The following CTNND2 variants were observed in gnomAD, a reference collection of about 807,000 sequenced individuals.
The protein encoded by CTNND2 is catenin delta-2.
A neutral mutation model predicts 144.4 loss-of-function variants in CTNND2; 22 were observed. That is an observed-to-expected ratio of 0.15 (90% CI 0.11 to 0.22). CTNND2 has a LOEUF of 0.22. Ranked by LOEUF, CTNND2 falls within the 10% of genes least tolerant of loss-of-function variation. The probability of loss-of-function intolerance (pLI) is 1.00; values close to 1 mark genes in which losing one functional copy is unlikely to be tolerated. For synonymous variants in CTNND2, 751 were observed against 695.6 expected (o/e 1.08, Z -1.25); for missense variants, 1,353 against 1,618.8 (o/e 0.84, Z 2.82).
intron 12 of CTNND2, among the ~76,000 whole-genome samples, chr5:11,151,530 T>C (rs1757757530): frequency 6.6e-6 from 1 of 152,232 alleles, no homozygotes; most frequent in South Asian, 2.1e-4. Flanking sequence ...TTCATATTAA[T>C]GGAAAAATCC....
chr5:11,849,387 G>GA (rs930068707), intron 1 of CTNND2, among the ~76,000 whole-genome samples: 4 of 151,994 alleles, frequency 2.6e-5, no homozygotes, highest in South Asian at 2.1e-4. Flanking sequence ...GACAGAAAGA[G>GA]AAAAAAATGA....
chr5:11,899,220 T>G (rs1737662190), intron 1 of CTNND2, among the ~76,000 whole-genome samples: 1 of 152,220 alleles, frequency 6.6e-6, no homozygotes, highest in South Asian at 2.1e-4. Context: ...TGCTCGGTGG[T>G]TCTAAACAGA....
intron 2 of CTNND2, among the ~76,000 whole-genome samples, chr5:11,589,280 A>AG (rs1554090546): frequency 1.2e-5 from 1 of 81,334 alleles, no homozygotes; most frequent in Non-Finnish European, 2.8e-5. Flanking sequence ...TGTTAACATT[A>AG]AAACACACAC....
At chr5:11,029,053 T>C (rs545073440) in intron 16 of CTNND2, among the ~76,000 whole-genome samples, 1 of 152,362 alleles carries the variant, frequency 6.6e-6, no homozygotes, top group African/African-American at 2.4e-5. Context: ...TGCATGTATA[T>C]ATCATATTTT....
At chr5:11,281,787 C>G (rs1332661376) in intron 9 of CTNND2, among the ~76,000 whole-genome samples, 1 of 152,168 alleles carries the variant, frequency 6.6e-6, no homozygotes, top group Non-Finnish European at 1.5e-5. Context: ...GGACACCAGG[C>G]AGATTGGGTG....
chr5:11,872,882 A>C (rs1735264261), intron 1 of CTNND2, among the ~76,000 whole-genome samples: 1 of 152,196 alleles, frequency 6.6e-6, no homozygotes, highest in African/African-American at 2.4e-5. Flanking sequence ...ATAAATACTA[A>C]AACCATAAAA....
At chr5:11,436,700 AG>A (rs1763805417) in intron 3 of CTNND2, among the ~76,000 whole-genome samples, 1 of 152,244 alleles carries the variant, frequency 6.6e-6, no homozygotes, top group African/African-American at 2.4e-5. Flanking sequence ...TTTAGAACAA[AG>A]GATTTCAAAA....
intron 11 of CTNND2, among the ~76,000 whole-genome samples, chr5:11,172,698 C>T (rs16901348): frequency 0.093 from 14,165 of 152,178 alleles, 1,537 homozygotes; most frequent in African/African-American, 0.27. Flanking sequence ...GAGGAAATAA[C>T]AAAGGTTGAC....
intron 2 of CTNND2, among the ~76,000 whole-genome samples, chr5:11,609,368 A>T (rs1294019530): frequency 6.6e-6 from 1 of 152,088 alleles, no homozygotes; most frequent in Non-Finnish European, 1.5e-5. Flanking sequence ...AGTTGATCGA[A>T]AGTTTCAGCT....
At chr5:11,676,616 C>G (rs975342232) in intron 2 of CTNND2, among the ~76,000 whole-genome samples, 1 of 150,524 alleles carries the variant, frequency 6.6e-6, no homozygotes, top group Non-Finnish European at 1.5e-5. Context: ...AAAAAAAAGA[C>G]ATACATTCTT....
chr5:11,104,199 TTAA>T (rs1752188686), intron 14 of CTNND2, among the ~76,000 whole-genome samples: 2 of 152,236 alleles, frequency 1.3e-5, no homozygotes, highest in Admixed American at 1.3e-4. Flanking sequence ...CTTTCATTTT[TTAA>T]GATATTTCAG....
intron 9 of CTNND2, among the ~76,000 whole-genome samples, chr5:11,295,755 T>G (rs1038053335): frequency 6.6e-6 from 1 of 152,058 alleles, no homozygotes; most frequent in African/African-American, 2.4e-5. Context: ...TTTAATAAAC[T>G]GTGCTGGGAA....
Position 11,562,510 on chromosome 5 carries a change from C to G in CTNND2, c.287+2434G>C, listed in dbSNP as rs147200368. 3.3e-4 allele frequency among the ~76,000 whole-genome samples: 50 copies of G among 152,302 alleles called. 2 individuals carry two copies. The East Asian group carries it at 8.7e-3, about 26-fold the overall frequency. ...TAAATTGCTTGTAGTTATACAAATG[C>G]AGATGCATACATTAGAGATTTCCAA... On this transcript the variant is annotated intron_variant, in intron 3 of 21. Transcript: ENST00000304623.
At chr5:11,644,657 G>A (rs932111643) in intron 2 of CTNND2, among the ~76,000 whole-genome samples, 3 of 128,386 alleles carry the variant, frequency 2.3e-5, no homozygotes, top group Admixed American at 8.4e-5. Flanking sequence ...ATGGGCGAAA[G>A]AACAAGACTC....
At chr5:11,473,061 C>T (rs1021425721) in intron 3 of CTNND2, among the ~76,000 whole-genome samples, 1 of 152,070 alleles carries the variant, frequency 6.6e-6, no homozygotes, top group Non-Finnish European at 1.5e-5. Flanking sequence ...CAGAGCAAAA[C>T]TCTGCCTCAA....
chr5:11,234,722 G>A (rs1319740989), intron 10 of CTNND2, among the ~76,000 whole-genome samples: 2 of 152,148 alleles, frequency 1.3e-5, no homozygotes, highest in African/African-American at 4.8e-5. Flanking sequence ...GACTTCCCTG[G>A]GCCATGAAGC....
At chr5:11,101,908 T>TGTGTGTGTGTGTGTGTGC (rs1415509468) in intron 14 of CTNND2, among the ~76,000 whole-genome samples, 10 of 151,868 alleles carry the variant, frequency 6.6e-5, no homozygotes, top group African/African-American at 2.4e-4. Context: ...TGTGTGTGTG[T>TGTGTGTGTGTGTGTGTGC]GTGTGTGTGT....
At chr5:11,618,341 C>T (rs986154356) in intron 2 of CTNND2, among the ~76,000 whole-genome samples, 11 of 152,132 alleles carry the variant, frequency 7.2e-5, no homozygotes, top group East Asian at 1.9e-4. Context: ...CAAAAATATG[C>T]GCAATTTTGC....
chr5:11,544,701 G>T (rs1325688062), intron 3 of CTNND2, among the ~76,000 whole-genome samples: 1 of 152,344 alleles, frequency 6.6e-6, no homozygotes, highest in East Asian at 1.9e-4. Context: ...ATGCCATGAG[G>T]GCTGGGCATG....
Sources: gnomAD v4.1 joint callset for allele counts (sites outside exome capture counted in the v4.1 genomes callset) on GRCh38, gnomAD v4.1.1 for gene constraint, MANE v1.5 for transcripts, NCBI Gene and HGNC (gene_info 2026-07-23, HGNC 2026-07-21) for gene names.